Variants in DPP6 observed in about 807,000 individuals in gnomAD.
DPP6 encodes the protein dipeptidyl peptidase like 6.
In DPP6, 69 loss-of-function variants were observed where a neutral mutation model predicts 122.6. That is an observed-to-expected ratio of 0.56 (90% CI 0.46 to 0.69). The LOEUF is 0.69. DPP6 is among the 30% of genes least tolerant of loss of function. DPP6 has a pLI of 0.00. For synonymous variants in DPP6, 418 were observed against 433.1 expected (o/e 0.97, Z 0.43); for missense variants, 928 against 1,116.9 (o/e 0.83, Z 2.41).
At chr7:154,451,505 T>C (rs1209564979) in intron 2 of DPP6, among the ~76,000 whole-genome samples, 3 of 152,160 alleles carry the variant, frequency 2.0e-5, no homozygotes, top group African/African-American at 7.2e-5. Flanking sequence ...GCAGTAGCCC[T>C]GCGTCTTCTC....
the DPP6 span, among the ~76,000 whole-genome samples, chr7:153,871,137 C>A: frequency 6.6e-6 from 1 of 152,198 alleles, no homozygotes; most frequent in African/African-American, 2.4e-5. Context: ...TTCTCAGATC[C>A]CAAGCTGCGT....
the DPP6 span, among the ~76,000 whole-genome samples, chr7:153,870,342 G>A: frequency 6.6e-6 from 1 of 152,148 alleles, no homozygotes; most frequent in Non-Finnish European, 1.5e-5. Flanking sequence ...TGGAGGACTT[G>A]TTTGTTTCTT....
intron 1 of DPP6, among the ~76,000 whole-genome samples, chr7:154,180,319 G>A (rs1798007718): frequency 6.7e-6 from 1 of 150,128 alleles, no homozygotes; most frequent in Non-Finnish European, 1.5e-5. Context: ...CTGCACTCCA[G>A]CCTGGGCAAC....
chr7:154,462,819 G>T (rs1026680737), intron 2 of DPP6, among the ~76,000 whole-genome samples: 3 of 102,754 alleles, frequency 2.9e-5, no homozygotes, highest in Non-Finnish European at 5.4e-5. Context: ...CCCCACAACA[G>T]TCCCCGGTGT....
At chr7:154,349,793 T>G (rs1014453490) in intron 1 of DPP6, among the ~76,000 whole-genome samples, 10 of 152,222 alleles carry the variant, frequency 6.6e-5, no homozygotes, top group Admixed American at 5.2e-4. Context: ...AGATTCTTCC[T>G]TCTCAGTACC....
chr7:153,936,758 C>T (rs960945804), intron 1 of DPP6, among the ~76,000 whole-genome samples: 2 of 151,870 alleles, frequency 1.3e-5, no homozygotes, highest in African/African-American at 4.8e-5. Context: ...TTGCAGTGAG[C>T]CGAGATCAAG....
At chr7:154,792,818 C>G (rs1367416914) in intron 10 of DPP6, among the ~76,000 whole-genome samples, 1 of 152,244 alleles carries the variant, frequency 6.6e-6, no homozygotes, top group African/African-American at 2.4e-5. Flanking sequence ...CTCACCACCC[C>G]AGTCCTCAGG....
At chr7:154,812,477 TA>T (rs1260109393) in intron 16 of DPP6, among the ~76,000 whole-genome samples, 2 of 152,170 alleles carry the variant, frequency 1.3e-5, no homozygotes, top group African/African-American at 4.8e-5. Flanking sequence ...AAGACCAGGG[TA>T]CCAGCATGGT....
chr7:154,656,482 G>A (rs951111845), intron 6 of DPP6, among the ~76,000 whole-genome samples: 1 of 152,068 alleles, frequency 6.6e-6, no homozygotes, highest in African/African-American at 2.4e-5. Context: ...TGCAGGGAGA[G>A]ACCACCCAGG....
chr7:154,726,182 G>T (rs954214966), intron 7 of DPP6, among the ~76,000 whole-genome samples: 2 of 152,184 alleles, frequency 1.3e-5, no homozygotes, highest in Admixed American at 1.3e-4. Flanking sequence ...CTAGGGTCTG[G>T]AAGACAGTGG....
Position 154,436,664 on chromosome 7 carries a change from G to A in DPP6, c.244-9550G>A, listed in dbSNP as rs139772965. ...TGTAAACTCACAGCTTAATGGGTGA[G>A]TGTAACCTGAATTTCCTAATGTGAA... On this transcript the variant is annotated intron_variant, in intron 1 of 25. Coordinates refer to ENST00000377770, the MANE Select transcript of DPP6 (RefSeq NM_130797.4). 2.8e-3 allele frequency among the ~76,000 whole-genome samples: 432 copies of A among 152,288 alleles called. 3 individuals are homozygous for A. The highest frequency in any genetic ancestry group is 9.6e-3 in the African/African-American group (400 of 41,558).
rs576992685 is a variant in DPP6 at position 154,180,395 on chromosome 7, A to G, written c.243+127332A>G. Among the ~76,000 whole-genome samples the G allele has an allele frequency of 2.5e-3, 363 of 146,394 alleles. 2 individuals carry two copies. The highest frequency in any genetic ancestry group is 8.5e-3 in the African/African-American group (343 of 40,222). Reference sequence around the variant, plus strand: ...TCAAAATATATATATAAATATATATATATGTATAAATATATATATCTATAT... The same window carrying G: ...TCAAAATATATATATAAATATATATGTATGTATAAATATATATATCTATAT... On this transcript the variant is annotated intron_variant, in intron 1 of 25. Transcript: ENST00000377770.
intron 1 of DPP6, among the ~76,000 whole-genome samples, chr7:154,121,865 C>A (rs973416761): frequency 6.6e-6 from 1 of 151,968 alleles, no homozygotes; most frequent in African/African-American, 2.4e-5. Context: ...TCTTTTTTTT[C>A]TTTTTCTAAA....
intron 1 of DPP6, among the ~76,000 whole-genome samples, chr7:153,984,099 C>G (rs1216408933): frequency 6.8e-6 from 1 of 146,076 alleles, no homozygotes; most frequent in Non-Finnish European, 1.5e-5. Context: ...CACACACACA[C>G]ACACGTGTCA....
chr7:154,585,402 C>T (rs56171838), intron 5 of DPP6, among the ~76,000 whole-genome samples: 84,362 of 152,082 alleles, frequency 0.55, 25,497 homozygotes, highest in Non-Finnish European at 0.67. Context: ...GATCAAAGTG[C>T]CCACCCTTAG....
chr7:154,805,288 C>G (rs2280662), intron 15 of DPP6, among the ~76,000 whole-genome samples: 74,547 of 151,952 alleles, frequency 0.49, 18,637 homozygotes, highest in East Asian at 0.59. Context: ...GGAATTCTGC[C>G]CCCCCTGCCC....
chr7:154,153,377 G>A (rs1296354864), intron 1 of DPP6, among the ~76,000 whole-genome samples: 1 of 152,224 alleles, frequency 6.6e-6, no homozygotes. Context: ...AGTAGAGACC[G>A]GGTTTCACCA....
intron 10 of DPP6, among the ~76,000 whole-genome samples, chr7:154,778,563 C>CG (rs1796728510): frequency 6.6e-6 from 1 of 151,278 alleles, no homozygotes; most frequent in Middle Eastern, 3.4e-3. Flanking sequence ...GCACCCCCCC[C>CG]CAAAAAAAAC....
chr7:153,964,907 T>TTTC (rs1795585590), intron 1 of DPP6, among the ~76,000 whole-genome samples: 1 of 112,316 alleles, frequency 8.9e-6, no homozygotes, highest in Non-Finnish European at 1.6e-5. Flanking sequence ...TCCCTTCTTT[T>TTTC]CTTTTCCTTT....
Sources: gnomAD v4.1 joint callset for allele counts (sites outside exome capture counted in the v4.1 genomes callset) on GRCh38, gnomAD v4.1.1 for gene constraint, MANE v1.5 for transcripts, NCBI Gene and HGNC (gene_info 2026-07-23, HGNC 2026-07-21) for gene names.